GOLGA6L22: variants seen among roughly 807,000 people sequenced by gnomAD.
The protein encoded by GOLGA6L22 is golgin A6 family like 22.
Under a neutral mutation model 77.1 loss-of-function variants are expected in GOLGA6L22, and 28 were observed. The observed-to-expected ratio is 0.36, with a 90% CI of 0.27 to 0.50. GOLGA6L22 has a LOEUF of 0.50. GOLGA6L22 is among the 20% of genes least tolerant of loss of function. The pLI, the probability that GOLGA6L22 is intolerant of heterozygous loss-of-function variation, is 0.97. For synonymous variants in GOLGA6L22, 62 were observed against 185.3 expected (o/e 0.33, Z 5.41); for missense variants, 250 against 620.4 (o/e 0.40, Z 6.34).
exon 8 of GOLGA6L22, chr15:22,465,826 G>A: frequency 1.4e-6 from 2 of 1,439,220 alleles, no homozygotes; most frequent in Non-Finnish European, 1.8e-6. Context: ...TGTGGAGGCA[G>A]GAGGAGAAGA....
chr15:22,466,457 A>T lies in GOLGA6L22; in HGVS notation c.2065A>T (p.Arg689Trp), dbSNP rs866244016. Residue 689 changes from arginine (R) to tryptophan (W), a missense_variant, in exon 8 of 9, where the codon AGG becomes TGG. Coordinates refer to ENST00000622895, the Ensembl canonical transcript of GOLGA6L22. ...GATGCGGAGGCAGGAGGAGAAGATAAGGGAGCAGGAGAAGAAGATACGGGA... is the reference window on the plus strand; with the variant it reads ...GATGCGGAGGCAGGAGGAGAAGATATGGGAGCAGGAGAAGAAGATACGGGA... The T allele has an allele frequency of 2.9e-5, 17 of 579,376 alleles. 1 individual carries two copies. The highest frequency in any genetic ancestry group is 1.5e-4 in the East Asian group (5 of 33,748). 35.9% of individuals were successfully genotyped at this position (579,376 alleles called of 1,614,324 possible). A position where few individuals can be genotyped will look rare whatever the true frequency, so the allele number is the denominator to read the frequency against.
exon 8 of GOLGA6L22, chr15:22,465,623 G>A (rs764649545): frequency 9.3e-6 from 6 of 647,386 alleles, no homozygotes; most frequent in South Asian, 8.9e-5. Context: ...AAGGGAGCAG[G>A]AGGAGATATG....
rs766981201 is a variant in GOLGA6L22, at chr15:22,466,445, G to A, written c.2053G>A (p.Glu685Lys). The stretch of plus-strand genomic sequence containing the variant: ...ACAGGAGGAGAAGATGCGGAGGCAG[G>A]AGGAGAAGATAAGGGAGCAGGAGAA... The change falls in exon 8 of 9, where the codon GAG (glutamate) becomes AAG (lysine). Residue 685 changes from glutamate (E) to lysine (K), a missense_variant. Physicochemically the swap from Glu to Lys is moderately conservative, Grantham distance 56 (BLOSUM62 1). Coordinates refer to ENST00000622895, the Ensembl canonical transcript of GOLGA6L22. 23 of 978,996 alleles carry A rather than the reference G, an allele frequency of 2.3e-5. 2 individuals carry two copies. Among genetic ancestry groups the A allele is most frequent in the Admixed American group, 1.4e-4 (6 of 43,704 alleles). The allele number at this position is 978,996 out of a possible 1,614,324, so 60.6% of individuals were successfully genotyped here.
exon 8 of GOLGA6L22, chr15:22,466,474 G>T: frequency 3.1e-6 from 2 of 654,038 alleles, no homozygotes; most frequent in South Asian, 1.6e-5. Flanking sequence ...AGGAGAAGAA[G>T]ATACGGGAGC....
At chr15:22,464,630 C>CATTTATTT (rs550262370) in intron 7 of GOLGA6L22, among the ~76,000 whole-genome samples, 38 of 109,532 alleles carry the variant, frequency 3.5e-4, no homozygotes, top group African/African-American at 6.0e-4. Flanking sequence ...TTATAGATTA[C>CATTTATTT]ATTTATTTAT....
chr15:22,465,933 G>C, exon 8 of GOLGA6L22: 1 of 910,766 alleles, frequency 1.1e-6, no homozygotes, highest in Admixed American at 2.9e-5. Context: ...GAGGAGAAGA[G>C]GCAGGAGCAG....
exon 9 of GOLGA6L22, chr15:22,468,950 C>G (rs1887779671): frequency 8.0e-6 from 1 of 125,738 alleles, no homozygotes; most frequent in African/African-American, 3.5e-5. Flanking sequence ...ACTATGGAAC[C>G]CACCTCCTTT....
exon 8 of GOLGA6L22, chr15:22,465,840 G>T (rs544274166): frequency 7.0e-7 from 1 of 1,425,474 alleles, no homozygotes; most frequent in East Asian, 2.5e-5. Context: ...GAGAAGATAC[G>T]GGAGCAGGAG....
rs1480957580 is a variant in GOLGA6L22, at chr15:22,464,667, G to A, written c.633+296G>A. ...TATTTATTTATTTATTTATTTATTT[G>A]AGAAGTAGTCTCACTCTGTCACCCA... On this transcript the variant is annotated intron_variant, in intron 7 of 8. Transcript: ENST00000622895. 2.5e-5 allele frequency among the ~76,000 whole-genome samples: 3 copies of A among 118,706 alleles called. 1 individual carries two copies. The highest frequency in any genetic ancestry group is 1.2e-4 in the African/African-American group (3 of 25,842). 77.9% of individuals were successfully genotyped at this position (118,706 alleles called of 152,430 possible).
chr15:22,466,097 A>C lies in GOLGA6L22; in HGVS notation c.1705A>C (p.Lys569Gln), dbSNP rs774963604. 1.2e-4 allele frequency: 122 copies of C among 993,468 alleles called. 2 individuals carry two copies. The highest frequency in any genetic ancestry group is 7.1e-4 in the Middle Eastern group (2 of 2,818). 61.5% of individuals were successfully genotyped at this position (993,468 alleles called of 1,614,324 possible). Residue 569 changes from lysine to glutamine, a missense_variant, in exon 8 of 9, where the codon AAG becomes CAG. Transcript: ENST00000622895. ...GGAGAAGATAAGGGAGCAGGAGGAG[A>C]AGATACGGGAGCAGGAGGAGAAGAT...
At chr15:22,465,951 A>C (rs866141458) in exon 8 of GOLGA6L22, 12 of 916,906 alleles carry the variant, frequency 1.3e-5, no homozygotes, top group African/African-American at 7.1e-5. Flanking sequence ...CAGGAGGATA[A>C]GATGTGGAGG....
At position 22,462,085 on chromosome 15, in the gene GOLGA6L22, G is replaced by A. The variant is rs1346248159; in HGVS notation, c.231+1G>A. ...GGAAGCCCTAAGGAGGGAGCTAGAG[G>A]TGAGTGGAGGGTGTGAAGTTCCCTC... On this transcript the variant is annotated splice_donor_variant, in intron 3 of 8. Transcript: ENST00000622895. LOFTEE classifies it high-confidence loss of function. 1.3e-5 allele frequency: 18 copies of A among 1,370,350 alleles called. 4 individuals carry two copies. The South Asian group carries it at 2.4e-4, about 18-fold the overall frequency. 84.9% of individuals were successfully genotyped at this position (1,370,350 alleles called of 1,614,324 possible).
rs980410142 is a variant in GOLGA6L22, at chr15:22,464,772, C to T, written c.634-254C>T. Among the ~76,000 whole-genome samples the T allele has an allele frequency of 2.3e-5, 3 of 128,762 alleles. 1 individual carries two copies. The highest frequency in any genetic ancestry group is 1.0e-4 in the African/African-American group (3 of 29,542). The allele number at this position is 128,762 out of a possible 152,430, so 84.5% of individuals were successfully genotyped here. On this transcript the variant is annotated intron_variant, in intron 7 of 8. Coordinates refer to ENST00000622895, the Ensembl canonical transcript of GOLGA6L22. ...ACGCCATTCTCCTGCCTCAGCCTCC[C>T]AAGTAGCTGGGACTACAGGTGCCCA...
At chr15:22,459,970 GACAGTGT>G (rs1481132662) in intron 1 of GOLGA6L22, among the ~76,000 whole-genome samples, 4 of 21,796 alleles carry the variant, frequency 1.8e-4, no homozygotes, top group African/African-American at 6.5e-4. Flanking sequence ...TCAACACGTT[GACAGTGT>G]CTCTGGGTGG....
chr15:22,466,584 G>A lies in GOLGA6L22; in HGVS notation c.2192G>A (p.Arg731Gln), dbSNP rs779763439. 1.3e-5 allele frequency: 14 copies of A among 1,057,336 alleles called. No individual in the cohort carries two copies. In the African/African-American group the frequency reaches 2.3e-4, roughly 17 times the overall value. The allele number at this position is 1,057,336 out of a possible 1,614,324, so 65.5% of individuals were successfully genotyped here. A position where few individuals can be genotyped will look rare whatever the true frequency, so the allele number is the denominator to read the frequency against. The stretch of plus-strand genomic sequence containing the variant: ...ATGCAAGAACAGGAGGAGAAGATGC[G>A]GAGGCAGGAGGAGAAGATAAGGGAG... The change falls in exon 8 of 9, where the codon CGG (arginine) becomes CAG (glutamine). Residue 731 changes from arginine to glutamine, a missense_variant. Transcript: ENST00000622895.
In GOLGA6L22 at chr15:22,463,034, C is replaced by T. The variant is rs987322184; in HGVS notation, c.432+566C>T. ...TTCTTAACTGTGCCCCTACCTCCAG[C>T]GAAAGAATGGGCTTAGAGAATCAGA... On this transcript the variant is annotated intron_variant, in intron 5 of 8. Transcript: ENST00000622895. Among the ~76,000 whole-genome samples the T allele has an allele frequency of 4.9e-4, 67 of 135,516 alleles. 9 individuals are homozygous for T. Among genetic ancestry groups the T allele is most frequent in the Admixed American group, 1.8e-3 (24 of 13,678 alleles). 88.9% of individuals were successfully genotyped at this position (135,516 alleles called of 152,430 possible).
exon 9 of GOLGA6L22, chr15:22,468,239 C>CTAA (rs1887762563): frequency 6.9e-6 from 1 of 143,956 alleles, no homozygotes; most frequent in Non-Finnish European, 1.5e-5. Context: ...TCATTTCAGC[C>CTAA]CTGTGAGAGT....
chr15:22,466,483 G>T, exon 8 of GOLGA6L22: 2 of 692,124 alleles, frequency 2.9e-6, no homozygotes. Flanking sequence ...AGATACGGGA[G>T]CAGGAGGAGA....
At chr15:22,463,609 C>T (rs1887589577) in intron 5 of GOLGA6L22, among the ~76,000 whole-genome samples, 1 of 130,296 alleles carries the variant, frequency 7.7e-6, no homozygotes, top group Admixed American at 8.0e-5. Context: ...TGAGATTGTG[C>T]CATTGCACTC....
Sources: gnomAD v4.1 joint callset for allele counts (sites outside exome capture counted in the v4.1 genomes callset) on GRCh38, gnomAD v4.1.1 for gene constraint, MANE v1.5 for transcripts, NCBI Gene and HGNC (gene_info 2026-07-23, HGNC 2026-07-21) for gene names.